The following MMS19 variants were observed in gnomAD, a reference collection of about 807,000 sequenced individuals.
MMS19 encodes the protein MMS19 cytosolic iron-sulfur assembly component, also known as MMS19 nucleotide excision repair protein homolog.
Under a neutral mutation model 129.8 loss-of-function variants are expected in MMS19, and 77 were observed. That is an observed-to-expected ratio of 0.59 (90% confidence interval 0.49 to 0.72). MMS19 has a LOEUF of 0.72. Ranked by LOEUF, MMS19 falls within the 30% of genes least tolerant of loss-of-function variation. The probability of loss-of-function intolerance (pLI) is 0.00; values close to 1 mark genes in which losing one functional copy is unlikely to be tolerated. For synonymous variants in MMS19, 491 were observed against 502.8 expected (o/e 0.98, Z 0.31); for missense variants, 1,168 against 1,266.3 (o/e 0.92, Z 1.18).
chr10:97,469,894 T>C (rs1249175686), intron 10 of MMS19, among the ~76,000 whole-genome samples, 171 bp from the exon 11 acceptor site: 1 of 152,140 alleles, frequency 6.6e-6, no homozygotes. Flanking sequence ...CCCTGGTTGA[T>C]AAAATAGAAG....
intron 25 of MMS19, 36 bp downstream of exon 25, chr10:97,460,659 A>C (rs1487318592): frequency 2.6e-6 from 4 of 1,541,300 alleles, no homozygotes; most frequent in Non-Finnish European, 3.5e-6. Context: ...AAGTTTGTTT[A>C]GGTCCTGGGT....
chr10:97,470,718 T>C, intron 9 of MMS19, 57 bp downstream of exon 9: 1 of 1,140,286 alleles, frequency 8.8e-7, no homozygotes, highest in Non-Finnish European at 1.3e-6. Flanking sequence ...TTTACTGCTC[T>C]TTCTTCAGAG....
Position 97,477,858 on chromosome 10 carries a change from T to A in MMS19, c.420A>T (p.Val140=). ...VLKAIFQEVH[V]QSLPQVDRHT... Reference sequence around the variant, plus strand: ...CAACATGACTGTTATCCCTCACCTGTACATGCACTTCCTGGAAGATGGCTT... The same window carrying A: ...CAACATGACTGTTATCCCTCACCTGAACATGCACTTCCTGGAAGATGGCTT... Residue 140 remains valine, a synonymous_variant, in exon 5 of 31, where the codon GTA becomes GTT. Coordinates refer to ENST00000438925, the MANE Select transcript of MMS19 (RefSeq NM_022362.5). The A allele has an allele frequency of 6.2e-7, 1 of 1,605,282 alleles. No individual in the cohort carries two copies. The highest frequency in any genetic ancestry group is 8.5e-7 in the Non-Finnish European group (1 of 1,175,974).
intron 3 of MMS19, chr10:97,480,261 G>A (rs547876625): frequency 1.3e-4 from 59 of 462,784 alleles, no homozygotes; most frequent in Admixed American, 3.1e-4. Context: ...TCTGTGGCAG[G>A]CGGAGTTCCC....
At chr10:97,477,130 C>T in intron 6 of MMS19, 167 bp from the exon 7 acceptor site, 1 of 1,490,282 alleles carries the variant, frequency 6.7e-7, no homozygotes. Flanking sequence ...CAACAATATA[C>T]ACATTGCTGT....
rs768936949 is a variant in MMS19, at chr10:97,465,851, C to T, written c.1710G>A (p.Lys570=). 7 of 1,613,908 alleles carry T rather than the reference C, an allele frequency of 4.3e-6. No individual in the cohort carries two copies. Among genetic ancestry groups the T allele is most frequent in the Non-Finnish European group, 5.1e-6 (6 of 1,179,886 alleles). ...SAVSTHPSIV[K]ETLPLLLQHL... ...GCTGCAGCAGCAGAGGCAGTGTCTC[C>T]TTGACGATGCTGGGATGTGTTGATA... Residue 570 remains lysine (K), a synonymous_variant, in exon 18 of 31, where the codon AAG becomes AAA. Transcript: ENST00000438925.
In MMS19 at chr10:97,466,172, A is replaced by T; in HGVS notation, c.1506-13T>A. The T allele has an allele frequency of 6.4e-7, 1 of 1,553,010 alleles. No individual in the cohort carries two copies. The highest frequency in any genetic ancestry group is 2.4e-5 in the East Asian group (1 of 41,078). On this transcript the variant is annotated splice_polypyrimidine_tract_variant and intron_variant, in intron 16 of 30. Coordinates refer to ENST00000438925, the MANE Select transcript of MMS19 (RefSeq NM_022362.5). ...TGCTGCCACCCTGCTGGAGGCGCAG[A>T]GCAGATAAGCATTGGCTGAGCCTGG...
Position 97,466,188 on chromosome 10 carries a change from C to T in MMS19, c.1506-29G>A, listed in dbSNP as rs558013963. 25 of 1,534,910 alleles carry T rather than the reference C, an allele frequency of 1.6e-5. No homozygotes were observed. The East Asian group carries it at 5.9e-4, about 36-fold the overall frequency. On this transcript the variant is annotated intron_variant, in intron 16 of 30. Transcript: ENST00000438925. ...GAGGCGCAGAGCAGATAAGCATTGG[C>T]TGAGCCTGGGCTCACAGCTCTCTTG...
intron 18 of MMS19, among the ~76,000 whole-genome samples, chr10:97,464,890 G>A (rs555918009): frequency 1.5e-4 from 23 of 152,088 alleles, no homozygotes; most frequent in East Asian, 9.7e-4. Context: ...GTAGAGATGC[G>A]GTTTCGCCAT....
chr10:97,477,009 A>G, intron 6 of MMS19, 46 bp from the exon 7 acceptor site: 1 of 1,610,848 alleles, frequency 6.2e-7, no homozygotes, highest in Non-Finnish European at 8.5e-7. Context: ...ACAGCACAGA[A>G]AGTGTGGGCT....
chr10:97,480,344 T>TA (rs1176182013), intron 3 of MMS19: 1 of 457,068 alleles, frequency 2.2e-6, no homozygotes, highest in Admixed American at 2.4e-5. Context: ...TCTTGCCTAT[T>TA]AAACTCTCTG....
chr10:97,484,953 G>C (rs1204091337), intron 1 of MMS19, among the ~76,000 whole-genome samples: 1 of 151,808 alleles, frequency 6.6e-6, no homozygotes, highest in Non-Finnish European at 1.5e-5. Flanking sequence ...TAAGTATTTT[G>C]TATTTCTTTG....
At chr10:97,478,536 C>A in intron 3 of MMS19, 147 bp from the exon 4 acceptor site, 1 of 609,404 alleles carries the variant, frequency 1.6e-6, no homozygotes. Flanking sequence ...CTGTGCCTTC[C>A]CATTTGAAGG....
intron 1 of MMS19, among the ~76,000 whole-genome samples, chr10:97,496,001 A>C (rs138801013): frequency 1.7e-3 from 254 of 152,204 alleles, no homozygotes; most frequent in African/African-American, 5.7e-3. Flanking sequence ...GGCTGGTCTC[A>C]AACTCCTGGG....
intron 18 of MMS19, among the ~76,000 whole-genome samples, chr10:97,465,317 T>TA (rs943323253): frequency 3.2e-4 from 49 of 152,200 alleles, no homozygotes; most frequent in African/African-American, 1.0e-3. Flanking sequence ...TCTTTTGAGA[T>TA]AGAGTTTCAC....
At chr10:97,462,772 G>T in intron 19 of MMS19, 90 bp from the exon 20 acceptor site, 1 of 1,004,820 alleles carries the variant, frequency 1.0e-6, no homozygotes, top group East Asian at 2.5e-5. Context: ...ACTGACTCTG[G>T]GGCTTGACTC....
chr10:97,462,512 C>A, intron 20 of MMS19, 71 bp downstream of exon 20: 3 of 1,076,016 alleles, frequency 2.8e-6, no homozygotes, highest in South Asian at 1.3e-5. Flanking sequence ...GACAAGGCAG[C>A]TACCTGTTGC....
chr10:97,495,755 T>C (rs1003026210), intron 1 of MMS19, among the ~76,000 whole-genome samples: 2 of 152,248 alleles, frequency 1.3e-5, no homozygotes, highest in Admixed American at 1.3e-4. Flanking sequence ...AACTTTTATC[T>C]GTTACTATTC....
At position 97,458,862 on chromosome 10, in the gene MMS19, G is replaced by C; in HGVS notation, c.3003C>G (p.Ala1001=). ...GTCTCTTCTTGTCATCCAGGGGTTT[G>C]GCTAAGGCCCGAATCACCTGTGGTT... ...PYKPQVIRAL[A]KPLDDKKRLV... is the part of the protein sequence containing the mutation. Residue 1001 remains alanine, a synonymous_variant, in exon 30 of 31, where the codon GCC becomes GCG. Coordinates refer to ENST00000438925, the MANE Select transcript of MMS19 (RefSeq NM_022362.5). The C allele has an allele frequency of 6.2e-7, 1 of 1,614,022 alleles. No individual in the cohort carries two copies. The highest frequency in any genetic ancestry group is 8.5e-7 in the Non-Finnish European group (1 of 1,179,898).
Sources: allele counts gnomAD v4.1 joint callset (sites outside exome capture counted in the v4.1 genomes callset), GRCh38; gene constraint gnomAD v4.1.1; transcripts MANE v1.5; gene names NCBI Gene and HGNC (gene_info 2026-07-23, HGNC 2026-07-21).